GTF2F2: variants seen among roughly 807,000 people sequenced by gnomAD.
GTF2F2 encodes the protein ATP-dependent helicase GTF2F2.
Under a neutral mutation model 42.2 loss-of-function variants are expected in GTF2F2, and 23 were observed. The ratio of observed to expected loss-of-function variants is 0.55; its 90% CI spans 0.39 to 0.77. The LOEUF (loss-of-function observed/expected upper bound fraction) is 0.77. Among genes scored for constraint, GTF2F2 ranks in the 30% least tolerant of loss-of-function variants. GTF2F2 has a pLI of 0.00. For synonymous variants in GTF2F2, 105 were observed against 100.8 expected (o/e 1.04, Z -0.25); for missense variants, 261 against 287.2 (o/e 0.91, Z 0.66).
chr13:45,161,870 A>AT (rs1485340813), intron 4 of GTF2F2, among the ~76,000 whole-genome samples: 2 of 151,972 alleles, frequency 1.3e-5, no homozygotes, highest in African/African-American at 2.4e-5. Context: ...TACAGTACAT[A>AT]TTTTTTTAAC....
At chr13:45,128,581 A>G (rs1441115315) in intron 1 of GTF2F2, among the ~76,000 whole-genome samples, 1 of 151,332 alleles carries the variant, frequency 6.6e-6, no homozygotes, top group African/African-American at 2.4e-5. Context: ...TCAAAAAAAT[A>G]AAATTTATTT....
At chr13:45,197,906 A>G (rs1593486007) in intron 4 of GTF2F2, among the ~76,000 whole-genome samples, 1 of 152,352 alleles carries the variant, frequency 6.6e-6, no homozygotes, top group East Asian at 1.9e-4. Flanking sequence ...TAAACCACAC[A>G]TGTCAAAGAT....
chr13:45,267,574 ATTAT>A (rs1173685209), intron 7 of GTF2F2, among the ~76,000 whole-genome samples, 198 bp downstream of exon 7: 2 of 152,202 alleles, frequency 1.3e-5, no homozygotes, highest in Non-Finnish European at 2.9e-5. Context: ...ACTCTTAATA[ATTAT>A]TTATGAAGAA....
chr13:45,274,474 A>G (rs527618148), intron 7 of GTF2F2, among the ~76,000 whole-genome samples: 3 of 151,790 alleles, frequency 2.0e-5, no homozygotes, highest in African/African-American at 4.8e-5. Context: ...TTACAGGCAC[A>G]TGCCACCACA....
intron 5 of GTF2F2, among the ~76,000 whole-genome samples, chr13:45,251,550 G>C (rs1042597898): frequency 2.0e-5 from 3 of 151,854 alleles, no homozygotes; most frequent in African/African-American, 7.3e-5. Flanking sequence ...CATCCAGTCT[G>C]ATCTCTTCCT....
chr13:45,162,874 A>G (rs1230801106), intron 4 of GTF2F2, among the ~76,000 whole-genome samples: 2 of 151,978 alleles, frequency 1.3e-5, no homozygotes, highest in Non-Finnish European at 2.9e-5. Context: ...AAGTGTTGAC[A>G]TTTGCCATAT....
chr13:45,279,481 T>G (rs952000030), intron 7 of GTF2F2, among the ~76,000 whole-genome samples: 15 of 152,210 alleles, frequency 9.9e-5, no homozygotes, highest in African/African-American at 3.6e-4. Context: ...GAATGGTCTA[T>G]TTTTATGGAC....
intron 1 of GTF2F2, among the ~76,000 whole-genome samples, chr13:45,122,128 A>C (rs930083994): frequency 6.6e-6 from 1 of 152,196 alleles, no homozygotes; most frequent in African/African-American, 2.4e-5. Flanking sequence ...CCTAGAGCAG[A>C]AGATCTGTGT....
intron 4 of GTF2F2, among the ~76,000 whole-genome samples, chr13:45,177,884 GT>G (rs1002530384): frequency 6.6e-6 from 1 of 152,104 alleles, no homozygotes; most frequent in African/African-American, 2.4e-5. Flanking sequence ...CCACAGTCTT[GT>G]TTTTTCTGTG....
chr13:45,121,776 C>A (rs769770034), intron 1 of GTF2F2, among the ~76,000 whole-genome samples: 2 of 152,210 alleles, frequency 1.3e-5, no homozygotes, highest in African/African-American at 4.8e-5. Flanking sequence ...TGCATGACCT[C>A]TCATTCTTCA....
At chr13:45,188,071 A>AAC (rs1184078220) in intron 4 of GTF2F2, among the ~76,000 whole-genome samples, 1 of 151,990 alleles carries the variant, frequency 6.6e-6, no homozygotes, top group Admixed American at 6.6e-5. Context: ...ATGCCCAGCT[A>AAC]ATGTTTATGT....
chr13:45,146,636 A>G (rs372881726), intron 2 of GTF2F2, among the ~76,000 whole-genome samples: 1 of 152,220 alleles, frequency 6.6e-6, no homozygotes, highest in South Asian at 2.1e-4. Flanking sequence ...AAGTATTTTA[A>G]AAGTGTAAGA....
intron 1 of GTF2F2, among the ~76,000 whole-genome samples, chr13:45,128,219 C>CA (rs1869147543): frequency 2.7e-5 from 4 of 147,958 alleles, no homozygotes; most frequent in Admixed American, 2.0e-4. Flanking sequence ...CTCAGCCTTC[C>CA]AAAGTGCTGG....
At position 45,192,892 on chromosome 13, in the gene GTF2F2, C is replaced by T. The variant is rs1211054162; in HGVS notation, c.305-14532C>T. On this transcript the variant is annotated intron_variant, in intron 4 of 7. Transcript: ENST00000340473. Reference sequence around the variant, plus strand: ...TCCTTTATTATTCTAATAACAGATACTCTATTGAGACTAAGTTACCCATGC... The same window carrying T: ...TCCTTTATTATTCTAATAACAGATATTCTATTGAGACTAAGTTACCCATGC... 2.6e-5 allele frequency: 4 copies of T among 152,208 alleles called. No homozygotes were observed. In the East Asian group the frequency reaches 7.7e-4, roughly 29 times the overall value. The allele number at this position is 152,208 out of a possible 1,614,324, so 9.4% of individuals were successfully genotyped here. A position where few individuals can be genotyped will look rare whatever the true frequency, so the allele number is the denominator to read the frequency against.
At chr13:45,157,362 A>T (rs1419818976) in intron 4 of GTF2F2, among the ~76,000 whole-genome samples, 1 of 152,158 alleles carries the variant, frequency 6.6e-6, no homozygotes, top group Non-Finnish European at 1.5e-5. Flanking sequence ...AGTATTTTGG[A>T]TTTTACTTTT....
intron 5 of GTF2F2, among the ~76,000 whole-genome samples, chr13:45,244,455 T>C (rs1875483184): frequency 6.6e-6 from 1 of 152,210 alleles, no homozygotes; most frequent in Non-Finnish European, 1.5e-5. Context: ...TTTGTTACAG[T>C]TGTCATTTTA....
At chr13:45,273,013 G>A (rs1329553862) in intron 7 of GTF2F2, among the ~76,000 whole-genome samples, 11 of 135,738 alleles carry the variant, frequency 8.1e-5, no homozygotes, top group Non-Finnish European at 1.1e-4. Flanking sequence ...TGCAACCTCC[G>A]CCTCCCGAGT....
chr13:45,261,007 T>G (rs1261256984), intron 6 of GTF2F2, among the ~76,000 whole-genome samples: 3 of 152,160 alleles, frequency 2.0e-5, no homozygotes, highest in Admixed American at 1.3e-4. Context: ...ACGCCTGTAA[T>G]CTCAGCTATT....
At chr13:45,275,016 T>G (rs1876972767) in intron 7 of GTF2F2, among the ~76,000 whole-genome samples, 1 of 152,176 alleles carries the variant, frequency 6.6e-6, no homozygotes. Context: ...AAAAGAAACT[T>G]CATACCCATT....
Sources: gnomAD v4.1 joint callset for allele counts (sites outside exome capture counted in the v4.1 genomes callset) on GRCh38, gnomAD v4.1.1 for gene constraint, MANE v1.5 for transcripts, NCBI Gene and HGNC (gene_info 2026-07-23, HGNC 2026-07-21) for gene names.